The following CELSR1 variants were observed in gnomAD, a reference collection of about 807,000 sequenced individuals.
CELSR1 encodes the protein cadherin EGF LAG seven-pass G-type receptor 1, also known as adhesion G protein-coupled receptor C1.
Under a neutral mutation model 249.1 loss-of-function variants are expected in CELSR1, and 110 were observed. The ratio of observed to expected loss-of-function variants is 0.44; its 90% confidence interval spans 0.38 to 0.52. The LOEUF (loss-of-function observed/expected upper bound fraction) is 0.52, where lower values mean the gene tolerates loss of function less well. Ranked by LOEUF, CELSR1 falls within the 20% of genes least tolerant of loss-of-function variation. The pLI is 0.00. For missense variants in CELSR1, 4,109 were observed against 4,296.4 expected (o/e 0.96, Z 1.22); for synonymous variants, 2,113 against 1,900.0 (o/e 1.11, Z -2.92).
chr22:46,521,460 G>A (rs559248640), intron 1 of CELSR1, among the ~76,000 whole-genome samples: 20 of 151,308 alleles, frequency 1.3e-4, no homozygotes, highest in South Asian at 6.3e-4. Flanking sequence ...AGCCGAGATC[G>A]CGCCACTGCA....
In CELSR1 at chr22:46,537,237, C is replaced by G; in HGVS notation, c.-67G>C. 23 of 1,013,738 alleles carry G rather than the reference C, an allele frequency of 2.3e-5. No homozygotes were observed. Among genetic ancestry groups the G allele is most frequent in the Non-Finnish European group, 2.6e-5 (22 of 849,758 alleles). 62.8% of individuals were successfully genotyped at this position (1,013,738 alleles called of 1,614,324 possible). The stretch of plus-strand genomic sequence containing the variant: ...CATGCACCCGGCGCGCCTCCGCATC[C>G]ACCCGGCGAGGCCGGGGAGCGGCTC... On this transcript the variant is annotated 5_prime_UTR_variant, in exon 1 of 35. Coordinates refer to ENST00000674500, the MANE Select transcript of CELSR1 (RefSeq NM_001378328.1). The surrounding 1 kb of genome is among the most constrained non-coding windows in gnomAD (Gnocchi z 5.8).
chr22:46,480,929 A>C (rs1266711400), intron 1 of CELSR1, among the ~76,000 whole-genome samples: 1 of 152,154 alleles, frequency 6.6e-6, no homozygotes, highest in Admixed American at 6.6e-5. Context: ...TTCATTCATA[A>C]ACTTTGCTTA....
rs537924122 is a variant in CELSR1 at position 46,502,500 on chromosome 22, G to A, written c.3544+31127C>T. On this transcript the variant is annotated intron_variant, in intron 1 of 34. Coordinates refer to ENST00000674500, the MANE Select transcript of CELSR1 (RefSeq NM_001378328.1). ...GGGAAGGGGAAGGAAAGGAGAAAGA[G>A]GAGGGAAGAGAGGGAGGGAAAGACG... 1.5e-3 allele frequency among the ~76,000 whole-genome samples: 230 copies of A among 151,402 alleles called. 2 individuals are homozygous for A. The highest frequency in any genetic ancestry group is 5.2e-3 in the African/African-American group (216 of 41,160).
chr22:46,506,239 T>C lies in CELSR1; in HGVS notation c.3544+27388A>G, dbSNP rs537801650. On this transcript the variant is annotated intron_variant, in intron 1 of 34. Coordinates refer to ENST00000674500, the MANE Select transcript of CELSR1 (RefSeq NM_001378328.1). This position sits in a 1 kb window ranked among gnomAD's most constrained non-coding sequence, Gnocchi z 4.1. ...AAAGAAACTACTGACTACTGACGGA[T>C]TGCTGGGTTCTGGATGGACATGCAG... 5.3e-4 allele frequency among the ~76,000 whole-genome samples: 80 copies of C among 151,686 alleles called. No homozygotes were observed. Among genetic ancestry groups the C allele is most frequent in the Non-Finnish European group, 1.0e-3 (70 of 67,958 alleles).
At position 46,391,724 on chromosome 22, in the gene CELSR1, G is replaced by C; in HGVS notation, c.6057C>G (p.Thr2019=). The part of the protein sequence containing the change: ...GSHSRTCDMA[T]GQCACKPGVI... ...CGCCGGGCTTGCAGGCACACTGCCC[G>C]GTGGCCATGTCGCAAGTGCGGCTGT... The change falls in exon 15 of 35, where the codon ACC becomes ACG. Residue 2019 remains threonine (T), a synonymous_variant. Coordinates refer to ENST00000674500, the MANE Select transcript of CELSR1 (RefSeq NM_001378328.1). The surrounding 1 kb of genome is among the most constrained non-coding windows in gnomAD (Gnocchi z 4.3). The C allele has an allele frequency of 6.2e-7, 1 of 1,611,904 alleles. No homozygotes were observed. Among genetic ancestry groups the C allele is most frequent in the South Asian group, 1.1e-5 (1 of 90,824 alleles).
At chr22:46,455,323 A>G (rs967484509) in intron 2 of CELSR1, among the ~76,000 whole-genome samples, 5 of 152,092 alleles carry the variant, frequency 3.3e-5, no homozygotes, top group Admixed American at 1.3e-4. Flanking sequence ...TCCGCCTCCC[A>G]GGTTCAAGCG....
intron 14 of CELSR1, among the ~76,000 whole-genome samples, chr22:46,392,370 C>T (rs1266948822): frequency 6.6e-6 from 1 of 152,146 alleles, no homozygotes; most frequent in African/African-American, 2.4e-5. Context: ...CAGGCTGTGA[C>T]CAGGCTGTGA....
chr22:46,445,728 C>T lies in CELSR1; in HGVS notation c.4184-6317G>A, dbSNP rs373005959. ...GCGTACATTCTAGCCTCTGCAAACC[C>T]GGTGCCCCGAGAGCAGCAGCGCCTG... On this transcript the variant is annotated intron_variant, in intron 2 of 34. Transcript: ENST00000674500. The surrounding 1 kb of genome is among the most constrained non-coding windows in gnomAD (Gnocchi z 4.4). Among the ~76,000 whole-genome samples the T allele has an allele frequency of 9.2e-5, 14 of 152,296 alleles. No homozygotes were observed. Among genetic ancestry groups the T allele is most frequent in the Admixed American group, 6.5e-4 (10 of 15,312 alleles).
intron 1 of CELSR1, among the ~76,000 whole-genome samples, chr22:46,523,564 T>TAAATAAATAAAATAAAAA (rs1569217592): frequency 2.6e-5 from 3 of 116,906 alleles, no homozygotes; most frequent in African/African-American, 1.3e-4. Flanking sequence ...ATAAATAAAA[T>TAAATAAATAAAATAAAAA]AAAAAGAAAG....
chr22:46,515,832 C>T (rs1024021163), intron 1 of CELSR1, among the ~76,000 whole-genome samples: 2 of 152,200 alleles, frequency 1.3e-5, no homozygotes, highest in African/African-American at 4.8e-5. Context: ...CACTGACCAG[C>T]ATCCACAGCA....
intron 1 of CELSR1, among the ~76,000 whole-genome samples, chr22:46,504,645 T>C (rs1321591373): frequency 2.6e-5 from 4 of 152,024 alleles, no homozygotes; most frequent in African/African-American, 4.8e-5. Context: ...AAAGAGCTAA[T>C]CTCTCCAATG....
At chr22:46,499,849 C>G (rs1380828470) in intron 1 of CELSR1, among the ~76,000 whole-genome samples, 1 of 152,082 alleles carries the variant, frequency 6.6e-6, no homozygotes, top group Non-Finnish European at 1.5e-5. Context: ...TCTCATCTGT[C>G]AGACATAAAA....
chr22:46,450,937 G>A (rs1005663278), intron 2 of CELSR1, among the ~76,000 whole-genome samples: 1 of 152,192 alleles, frequency 6.6e-6, no homozygotes, highest in African/African-American at 2.4e-5. Flanking sequence ...GTACGGCTGT[G>A]AGCTACGCAC....
rs1208640264 is a variant in CELSR1 at position 46,408,460 on chromosome 22, T to C, written c.5226+536A>G. 4.6e-5 allele frequency among the ~76,000 whole-genome samples: 7 copies of C among 152,186 alleles called. No homozygotes were observed. The highest frequency in any genetic ancestry group is 1.7e-4 in the African/African-American group (7 of 41,444). On this transcript the variant is annotated intron_variant, in intron 9 of 34. Coordinates refer to ENST00000674500, the MANE Select transcript of CELSR1 (RefSeq NM_001378328.1). The surrounding 1 kb of genome is among the most constrained non-coding windows in gnomAD (Gnocchi z 4.6). Reference sequence around the variant, plus strand: ...GATTCCCCTGCCTCAGCCTCCCAGGTAGCTGGGGTTACAGGCCCCCACTAC... The same window carrying C: ...GATTCCCCTGCCTCAGCCTCCCAGGCAGCTGGGGTTACAGGCCCCCACTAC...
chr22:46,507,409 G>GA (rs1319285081), intron 1 of CELSR1, among the ~76,000 whole-genome samples: 1 of 151,668 alleles, frequency 6.6e-6, no homozygotes, highest in Non-Finnish European at 1.5e-5. Context: ...GAGGCAGGGG[G>GA]CCCATGATGA....
intron 2 of CELSR1, among the ~76,000 whole-genome samples, chr22:46,462,624 T>C (rs1231977288): frequency 6.9e-6 from 1 of 145,678 alleles, no homozygotes; most frequent in African/African-American, 2.6e-5. Flanking sequence ...AACCAAATCC[T>C]GCCTAATCCC....
Position 46,382,064 on chromosome 22 carries a change from A to G in CELSR1, c.6884-14T>C. The stretch of plus-strand genomic sequence containing the variant: ...GCAGGGGGCCTTCTGCAATGTGAGC[A>G]GAAGGTGAGGACTCTGGCAGGAGCA... On this transcript the variant is annotated splice_polypyrimidine_tract_variant and intron_variant, in intron 20 of 34. Transcript: ENST00000674500. 2 of 1,514,074 alleles carry G rather than the reference A, an allele frequency of 1.3e-6. No individual in the cohort carries two copies. Among genetic ancestry groups the G allele is most frequent in the South Asian group, 2.5e-5 (2 of 80,744 alleles). The allele number at this position is 1,514,074 out of a possible 1,614,324, so 93.8% of individuals were successfully genotyped here.
At position 46,464,404 on chromosome 22, in the gene CELSR1, G is replaced by C. The variant is rs893972116; in HGVS notation, c.3545-59C>G. 6.5e-7 allele frequency: 1 copy of C among 1,549,148 alleles called. No homozygotes were observed. The highest frequency in any genetic ancestry group is 1.8e-5 in the Admixed American group (1 of 56,098). On this transcript the variant is annotated intron_variant, in intron 1 of 34. Coordinates refer to ENST00000674500, the MANE Select transcript of CELSR1 (RefSeq NM_001378328.1). This position sits in a 1 kb window ranked among gnomAD's most constrained non-coding sequence, Gnocchi z 8.5. ...TGCTGCGGGAGTCACAGGTCCTATA[G>C]GCCCCATCCCAGGAGCAGCCTCAGG... is the stretch of plus-strand genomic sequence containing the variant.
In CELSR1 at chr22:46,363,055, G is replaced by C. The variant is rs2078722965; in HGVS notation, c.*168C>G. On this transcript the variant is annotated 3_prime_UTR_variant, in exon 35 of 35. Transcript: ENST00000674500. This position sits in a 1 kb window ranked among gnomAD's most constrained non-coding sequence, Gnocchi z 4.3. Reference sequence around the variant, plus strand: ...CAAGACCTTTGTGTCTGGATGATCAGTCGGGGGGCTGCCACCATGGGGACC... The same window carrying C: ...CAAGACCTTTGTGTCTGGATGATCACTCGGGGGGCTGCCACCATGGGGACC... 1 of 1,420,026 alleles carries C rather than the reference G, an allele frequency of 7.0e-7. No homozygotes were observed. Among genetic ancestry groups the C allele is most frequent in the African/African-American group, 1.4e-5 (1 of 70,468 alleles). 88.0% of individuals were successfully genotyped at this position (1,420,026 alleles called of 1,614,324 possible).
Sources: allele counts gnomAD v4.1 joint callset (sites outside exome capture counted in the v4.1 genomes callset), GRCh38; gene constraint gnomAD v4.1.1; non-coding constraint Gnocchi (gnomAD v3.1); transcripts MANE v1.5; gene names NCBI Gene and HGNC (gene_info 2026-07-23, HGNC 2026-07-21).